The following ARHGAP15 variants were observed in gnomAD, a reference collection of about 807,000 sequenced individuals.
ARHGAP15 encodes rho GTPase-activating protein 15.
ARHGAP15 carries 51 observed loss-of-function variants against 63.7 expected under a neutral mutation model. The ratio of observed to expected loss-of-function variants is 0.80; its 90% CI spans 0.64 to 1.01. The LOEUF (loss-of-function observed/expected upper bound fraction) is 1.01. Among genes scored for constraint, ARHGAP15 ranks in the 50% least tolerant of loss-of-function variants. The pLI is 0.00. For missense variants in ARHGAP15, 560 were observed against 564.6 expected (o/e 0.99, Z 0.08); for synonymous variants, 191 against 193.8 (o/e 0.99, Z 0.12).
At chr2:143,406,107 C>T (rs1019494335) in intron 6 of ARHGAP15, among the ~76,000 whole-genome samples, 1 of 151,728 alleles carries the variant, frequency 6.6e-6, no homozygotes, top group African/African-American at 2.4e-5. Context: ...TGATGAGCAT[C>T]TTACATGTCT....
At chr2:143,431,723 G>C (rs1056945705) in intron 6 of ARHGAP15, among the ~76,000 whole-genome samples, 1 of 152,004 alleles carries the variant, frequency 6.6e-6, no homozygotes, top group Admixed American at 6.6e-5. Context: ...GAGTTCTTGA[G>C]GGTGGGGGCT....
intron 13 of ARHGAP15, among the ~76,000 whole-genome samples, chr2:143,761,033 A>G (rs1355622460): frequency 6.6e-6 from 1 of 152,156 alleles, no homozygotes; most frequent in Non-Finnish European, 1.5e-5. Flanking sequence ...GCATACAACT[A>G]TAACTTTAAA....
At chr2:143,346,024 A>G (rs547644847) in intron 6 of ARHGAP15, among the ~76,000 whole-genome samples, 2 of 152,154 alleles carry the variant, frequency 1.3e-5, no homozygotes, top group East Asian at 3.9e-4. Flanking sequence ...TCATGATTGT[A>G]CAATCTGCTA....
chr2:143,739,259 G>A (rs906452794), intron 13 of ARHGAP15, among the ~76,000 whole-genome samples: 1 of 152,098 alleles, frequency 6.6e-6, no homozygotes, highest in African/African-American at 2.4e-5. Flanking sequence ...AACAACAAGA[G>A]GGAATCAAGC....
chr2:143,231,988 G>A (rs1168559948), intron 5 of ARHGAP15, among the ~76,000 whole-genome samples: 1 of 152,160 alleles, frequency 6.6e-6, no homozygotes, highest in Non-Finnish European at 1.5e-5. Flanking sequence ...TCACACTGGG[G>A]TTTAAGGTTT....
intron 11 of ARHGAP15, among the ~76,000 whole-genome samples, chr2:143,557,214 T>A (rs1695841807): frequency 6.6e-6 from 1 of 152,130 alleles, no homozygotes; most frequent in Non-Finnish European, 1.5e-5. Context: ...GCTTTTTTCA[T>A]AATTGGCAAA....
intron 12 of ARHGAP15, among the ~76,000 whole-genome samples, chr2:143,686,300 C>G (rs1343094628): frequency 1.3e-5 from 1 of 78,476 alleles, no homozygotes; most frequent in Non-Finnish European, 2.9e-5. Flanking sequence ...TGGAGAATCG[C>G]TTGAACCCTG....
intron 9 of ARHGAP15, among the ~76,000 whole-genome samples, chr2:143,489,637 C>G (rs1692490460): frequency 6.6e-6 from 1 of 151,986 alleles, no homozygotes; most frequent in African/African-American, 2.4e-5. Flanking sequence ...TTTTCTTACA[C>G]TTAAAGCAAA....
intron 13 of ARHGAP15, chr2:143,741,138 T>C (rs12691691): frequency 0.65 from 99,274 of 152,056 alleles, 35,328 homozygotes; most frequent in Non-Finnish European, 0.8. Context: ...AAAACATCAC[T>C]TTGGCAGATG....
intron 6 of ARHGAP15, among the ~76,000 whole-genome samples, chr2:143,369,334 G>A (rs78637349): frequency 0.025 from 3,844 of 152,102 alleles, 68 homozygotes; most frequent in Non-Finnish European, 0.039. Flanking sequence ...ATCAGGGAAA[G>A]ATTGTAAATA....
chr2:143,365,463 G>C (rs977522947), intron 6 of ARHGAP15, among the ~76,000 whole-genome samples: 4 of 152,170 alleles, frequency 2.6e-5, no homozygotes, highest in African/African-American at 9.7e-5. Context: ...TGACAATGCT[G>C]ATCCCTCTAT....
Position 143,703,423 on chromosome 2 carries a change from G to C in ARHGAP15, c.1143G>C (p.Lys381Asn), listed in dbSNP as rs530338080. 6.3e-7 allele frequency: 1 copy of C among 1,599,030 alleles called. No individual in the cohort carries two copies. Among genetic ancestry groups the C allele is most frequent in the East Asian group, 2.2e-5 (1 of 44,602 alleles). ...FFEQFVEAIKKQDNNTRIEAV... is the reference protein window; with the variant it reads ...FFEQFVEAIKNQDNNTRIEAV... ...CCTTTTTATTTTTTTTTCCAGAAAA[G>C]CAAGACAACAACACAAGAATTGAAG... The change falls in exon 13 of 14, where the codon AAG becomes AAC. Residue 381 changes from lysine to asparagine, a missense_variant. Coordinates refer to ENST00000295095, the MANE Select transcript of ARHGAP15 (RefSeq NM_018460.4).
intron 6 of ARHGAP15, chr2:143,435,392 A>C: frequency 8.6e-7 from 1 of 1,166,098 alleles, no homozygotes; most frequent in Non-Finnish European, 1.1e-6. Flanking sequence ...TATTATTAAA[A>C]CAATAATGTA....
At chr2:143,130,729 G>A (rs889737082) in intron 1 of ARHGAP15, among the ~76,000 whole-genome samples, 7 of 152,048 alleles carry the variant, frequency 4.6e-5, no homozygotes, top group African/African-American at 1.7e-4. Context: ...TTAGGACTTG[G>A]TGTTCAATAC....
intron 12 of ARHGAP15, among the ~76,000 whole-genome samples, chr2:143,684,980 A>G (rs1659592894): frequency 1.3e-5 from 2 of 152,212 alleles, no homozygotes; most frequent in South Asian, 2.1e-4. Flanking sequence ...AGACAAGACA[A>G]ATTATGTTAT....
chr2:143,642,207 T>C (rs979807932), intron 12 of ARHGAP15, among the ~76,000 whole-genome samples: 5 of 152,084 alleles, frequency 3.3e-5, no homozygotes, highest in African/African-American at 1.2e-4. Flanking sequence ...TTTTTTCTCT[T>C]TTTTGTTTTC....
intron 10 of ARHGAP15, among the ~76,000 whole-genome samples, chr2:143,532,939 A>G (rs1002223618): frequency 6.6e-6 from 1 of 152,102 alleles, no homozygotes; most frequent in African/African-American, 2.4e-5. Context: ...AAAAAACTCA[A>G]ACAAAAACAG....
At chr2:143,162,348 A>T (rs1372565235) in intron 2 of ARHGAP15, 1 of 152,014 alleles carries the variant, frequency 6.6e-6, no homozygotes, top group Non-Finnish European at 1.5e-5. Context: ...TTACCAGAAA[A>T]GTGAGAAGTG....
At chr2:143,515,364 A>G (rs1344464723) in intron 9 of ARHGAP15, among the ~76,000 whole-genome samples, 1 of 152,180 alleles carries the variant, frequency 6.6e-6, no homozygotes, top group African/African-American at 2.4e-5. Context: ...ATATGAAAAT[A>G]AGTCTAGATA....
Sources: gnomAD v4.1 joint callset for allele counts (sites outside exome capture counted in the v4.1 genomes callset) on GRCh38, gnomAD v4.1.1 for gene constraint, MANE v1.5 for transcripts, NCBI Gene and HGNC (gene_info 2026-07-23, HGNC 2026-07-21) for gene names.